The following LNX2 variants were observed in gnomAD, a reference collection of about 807,000 sequenced individuals.
LNX2 encodes the protein ligand of numb-protein X 2.
A neutral mutation model predicts 66.2 loss-of-function variants in LNX2; 35 were observed. That is an observed-to-expected ratio of 0.53 (90% CI 0.40 to 0.70). The LOEUF (loss-of-function observed/expected upper bound fraction) is 0.70. Ranked by LOEUF, LNX2 falls within the 30% of genes least tolerant of loss-of-function variation. LNX2 has a pLI of 0.00. For synonymous variants in LNX2, 337 were observed against 315.6 expected, an observed-to-expected ratio of 1.07 and a Z score of -0.72; for missense variants, 791 against 850.8, an observed-to-expected ratio of 0.93 and a Z score of 0.87.
At chr13:27,619,437 G>A (rs1199193268) in intron 1 of LNX2, among the ~76,000 whole-genome samples, 1 of 152,178 alleles carries the variant, frequency 6.6e-6, no homozygotes, top group Non-Finnish European at 1.5e-5. Flanking sequence ...ATCAAAACCT[G>A]TCCTGGGAAG....
chr13:27,569,362 AC>A (rs973141393), intron 2 of LNX2, 86 bp from the exon 3 acceptor site: 1 of 1,412,690 alleles, frequency 7.1e-7, no homozygotes, highest in Admixed American at 2.1e-5. Context: ...TAGCTTCTAC[AC>A]AAACAGAACC....
intron 2 of LNX2, among the ~76,000 whole-genome samples, chr13:27,573,924 GA>G (rs58411252): frequency 0.42 from 55,675 of 131,244 alleles, 11,550 homozygotes; most frequent in African/African-American, 0.55. Flanking sequence ...CCATTCACAG[GA>G]AAAAAAAAAA....
At chr13:27,582,942 A>G (rs1433627549) in intron 1 of LNX2, among the ~76,000 whole-genome samples, 2 of 152,148 alleles carry the variant, frequency 1.3e-5, no homozygotes, top group Non-Finnish European at 2.9e-5. Context: ...ATTTCAGCGT[A>G]TGTATGATTT....
intron 1 of LNX2, among the ~76,000 whole-genome samples, chr13:27,589,436 A>G (rs1056246670): frequency 1.3e-5 from 2 of 152,210 alleles, no homozygotes; most frequent in Non-Finnish European, 2.9e-5. Flanking sequence ...ATATATAATA[A>G]AACACTTATT....
At chr13:27,613,425 T>G (rs560607793) in intron 1 of LNX2, among the ~76,000 whole-genome samples, 51 of 152,250 alleles carry the variant, frequency 3.3e-4, no homozygotes, top group African/African-American at 8.9e-4. Context: ...GTTTTAAGAT[T>G]TCTAACATGG....
chr13:27,569,989 A>AAAAT (rs1343013728), intron 2 of LNX2, among the ~76,000 whole-genome samples: 1 of 152,222 alleles, frequency 6.6e-6, no homozygotes, highest in East Asian at 1.9e-4. Context: ...TACTTATTTA[A>AAAAT]GCAAATAAAA....
chr13:27,593,588 A>C, intron 1 of LNX2, among the ~76,000 whole-genome samples: 1 of 108,746 alleles, frequency 9.2e-6, no homozygotes, highest in Non-Finnish European at 1.8e-5. Context: ...TTTTTTTGAG[A>C]TGAAGTTTCA....
chr13:27,569,858 G>A (rs772081556), intron 2 of LNX2, among the ~76,000 whole-genome samples: 46 of 152,268 alleles, frequency 3.0e-4, no homozygotes, highest in Non-Finnish European at 3.1e-4. Flanking sequence ...ATGCCTCCTA[G>A]TTTGTGAAAT....
chr13:27,612,369 T>G (rs564792709), intron 1 of LNX2, among the ~76,000 whole-genome samples: 1 of 152,266 alleles, frequency 6.6e-6, no homozygotes, highest in South Asian at 2.1e-4. Flanking sequence ...TCTGACTGCC[T>G]CCTCTGAGGG....
chr13:27,587,291 C>G (rs893564486), intron 1 of LNX2, among the ~76,000 whole-genome samples: 1 of 152,144 alleles, frequency 6.6e-6, no homozygotes, highest in African/African-American at 2.4e-5. Flanking sequence ...GAGCGCTCCC[C>G]CCCTTCCCTT....
intron 2 of LNX2, among the ~76,000 whole-genome samples, chr13:27,572,379 T>C (rs748022984): frequency 4.6e-5 from 7 of 152,114 alleles, no homozygotes; most frequent in Admixed American, 1.3e-4. Context: ...CAGAACAGCA[T>C]GTGACATCTA....
At chr13:27,556,573 T>A (rs1369755461) in intron 6 of LNX2, among the ~76,000 whole-genome samples, 160 bp from the exon 7 acceptor site, 2 of 152,220 alleles carry the variant, frequency 1.3e-5, no homozygotes, top group Admixed American at 1.3e-4. Flanking sequence ...TTAATAAGTC[T>A]GCTGTGGATC....
chr13:27,560,565 G>GTATATATATATATATATA lies in LNX2; in HGVS notation c.1225-598_1225-581dup, dbSNP rs71083675. Among the ~76,000 whole-genome samples, 178 of 119,990 alleles carry GTATATATATATATATATA rather than the reference G, an allele frequency of 1.5e-3. 6 individuals are homozygous for GTATATATATATATATATA. The highest frequency in any genetic ancestry group is 3.2e-3 in the African/African-American group (95 of 30,016). 78.7% of individuals were successfully genotyped at this position (119,990 alleles called of 152,430 possible). On this transcript the variant is annotated intron_variant, in intron 5 of 9. Coordinates refer to ENST00000316334, the MANE Select transcript of LNX2 (RefSeq NM_153371.4). ...ATAACAAGACTTTATATGTATGTGTGTATATATATATATATATATAGCATA... is the reference window on the plus strand; with the variant it reads ...ATAACAAGACTTTATATGTATGTGTGTATATATATATATATATATATATATATATATATATATAGCATA...
At chr13:27,619,837 G>A (rs976112762) in intron 1 of LNX2, among the ~76,000 whole-genome samples, 2 of 152,188 alleles carry the variant, frequency 1.3e-5, no homozygotes, top group Non-Finnish European at 2.9e-5. Context: ...CCTGGAAGAT[G>A]TCAAATCTCT....
At chr13:27,550,562 C>T in intron 8 of LNX2, 71 bp from the exon 9 acceptor site, 1 of 1,135,220 alleles carries the variant, frequency 8.8e-7, no homozygotes, top group South Asian at 1.5e-5. Flanking sequence ...TTTGTTATAA[C>T]CCCATACCAT....
chr13:27,558,127 C>T (rs965938076), intron 6 of LNX2, among the ~76,000 whole-genome samples: 1 of 151,110 alleles, frequency 6.6e-6, no homozygotes, highest in African/African-American at 2.5e-5. Context: ...TTATAGAAGA[C>T]TAATATATAC....
chr13:27,558,989 AC>A (rs1955096726), intron 6 of LNX2, among the ~76,000 whole-genome samples: 1 of 152,160 alleles, frequency 6.6e-6, no homozygotes, highest in Non-Finnish European at 1.5e-5. Flanking sequence ...ATTTAATTTT[AC>A]TTAAGGAGAA....
At chr13:27,617,261 G>A (rs1955837717) in intron 1 of LNX2, among the ~76,000 whole-genome samples, 1 of 152,156 alleles carries the variant, frequency 6.6e-6, no homozygotes, top group South Asian at 2.1e-4. Context: ...GCCTGCCCCA[G>A]TCTTCTAATT....
chr13:27,569,833 C>G (rs541089778), intron 2 of LNX2, among the ~76,000 whole-genome samples: 2 of 152,046 alleles, frequency 1.3e-5, no homozygotes, highest in Non-Finnish European at 2.9e-5. Flanking sequence ...TTATGATAGA[C>G]ATGGAAAGAA....
Sources: allele counts gnomAD v4.1 joint callset (sites outside exome capture counted in the v4.1 genomes callset), GRCh38; gene constraint gnomAD v4.1.1; transcripts MANE v1.5; gene names NCBI Gene and HGNC (gene_info 2026-07-23, HGNC 2026-07-21).